IPCEF1: variants seen among roughly 807,000 people sequenced by gnomAD.
IPCEF1 encodes the protein interaction protein for cytohesin exchange factors 1, also known as interactor protein for cytohesin exchange factors 1.
Under a neutral mutation model 50.9 loss-of-function variants are expected in IPCEF1, and 31 were observed. The ratio of observed to expected loss-of-function variants is 0.61; its 90% confidence interval spans 0.46 to 0.82. The LOEUF is 0.82. IPCEF1 is among the 40% of genes least tolerant of loss of function. The probability of loss-of-function intolerance (pLI) is 0.00; values close to 1 mark genes in which losing one functional copy is unlikely to be tolerated. For missense variants in IPCEF1, 458 were observed against 514.0 expected (o/e 0.89, Z 1.05); for synonymous variants, 181 against 192.0 (o/e 0.94, Z 0.47).
At chr6:154,248,167 C>T (rs1174976139) in intron 3 of IPCEF1, among the ~76,000 whole-genome samples, 2 of 152,100 alleles carry the variant, frequency 1.3e-5, no homozygotes, top group Non-Finnish European at 1.5e-5. Flanking sequence ...TAGTTACCAC[C>T]TACTATTCTG....
intron 1 of IPCEF1, among the ~76,000 whole-genome samples, chr6:154,327,410 T>C (rs186771728): frequency 1.3e-3 from 190 of 151,964 alleles, no homozygotes; most frequent in African/African-American, 4.3e-3. Context: ...ACAAAGAACA[T>C]GAATAAACAC....
At chr6:154,332,246 C>T (rs942305843) in intron 1 of IPCEF1, among the ~76,000 whole-genome samples, 8 of 150,874 alleles carry the variant, frequency 5.3e-5, no homozygotes, top group African/African-American at 1.9e-4. Context: ...TCTCCTTGCA[C>T]AGCATCTGAC....
chr6:154,212,910 A>T (rs768360689), intron 8 of IPCEF1, 55 bp from the exon 9 acceptor site: 1 of 1,206,434 alleles, frequency 8.3e-7, no homozygotes. Flanking sequence ...CTTATTCCAT[A>T]ATGCATGAGC....
chr6:154,175,513 A>C (rs1209063034), intron 10 of IPCEF1, among the ~76,000 whole-genome samples: 1 of 152,146 alleles, frequency 6.6e-6, no homozygotes, highest in East Asian at 1.9e-4. Flanking sequence ...CCACAGAAAT[A>C]CAAACTACCA....
At chr6:154,319,848 G>A (rs1346190559) in intron 1 of IPCEF1, among the ~76,000 whole-genome samples, 1 of 152,186 alleles carries the variant, frequency 6.6e-6, no homozygotes, top group Non-Finnish European at 1.5e-5. Flanking sequence ...TTTTCTTTTG[G>A]AAAGAGAGAA....
At chr6:154,327,306 A>C (rs1337951317) in intron 1 of IPCEF1, among the ~76,000 whole-genome samples, 2 of 152,226 alleles carry the variant, frequency 1.3e-5, no homozygotes, top group African/African-American at 2.4e-5. Flanking sequence ...AAATTTCTGC[A>C]ATCTATCCAT....
chr6:154,274,490 A>AAAGATT (rs1236671757), intron 2 of IPCEF1, among the ~76,000 whole-genome samples: 19 of 152,168 alleles, frequency 1.2e-4, no homozygotes, highest in African/African-American at 4.3e-4. Context: ...CCAGTGGACC[A>AAAGATT]TTTTACCATA....
At chr6:154,305,756 G>A (rs1782916069) in intron 1 of IPCEF1, among the ~76,000 whole-genome samples, 1 of 152,176 alleles carries the variant, frequency 6.6e-6, no homozygotes, top group Admixed American at 6.5e-5. Flanking sequence ...AAAGCAGGCA[G>A]AAGAAGGTGG....
At chr6:154,164,996 TACGGA>T (rs1799313691) in intron 11 of IPCEF1, among the ~76,000 whole-genome samples, 1 of 152,196 alleles carries the variant, frequency 6.6e-6, no homozygotes, top group Admixed American at 6.5e-5. Flanking sequence ...TTTTCTTATT[TACGGA>T]ATGCACCTGC....
At chr6:154,207,002 A>C (rs1777552241) in intron 9 of IPCEF1, among the ~76,000 whole-genome samples, 1 of 152,232 alleles carries the variant, frequency 6.6e-6, no homozygotes. Context: ...TGTGCAGGTG[A>C]ATCAATGTGA....
chr6:154,320,879 TAGAG>T (rs934247233), intron 1 of IPCEF1, among the ~76,000 whole-genome samples: 21 of 152,218 alleles, frequency 1.4e-4, no homozygotes, highest in South Asian at 8.3e-4. Flanking sequence ...TAGACATATA[TAGAG>T]AGACACTCAC....
chr6:154,238,428 T>TAC (rs1491533362), intron 5 of IPCEF1, among the ~76,000 whole-genome samples: 1 of 146,416 alleles, frequency 6.8e-6, no homozygotes, highest in Non-Finnish European at 1.5e-5. Flanking sequence ...GCTAATTTTG[T>TAC]ATATATATAT....
chr6:154,312,592 C>T (rs529459969), intron 1 of IPCEF1, among the ~76,000 whole-genome samples: 71 of 152,104 alleles, frequency 4.7e-4, no homozygotes, highest in African/African-American at 7.2e-4. Context: ...ATGATCCGCC[C>T]GCCTCAGCCT....
intron 3 of IPCEF1, among the ~76,000 whole-genome samples, chr6:154,258,533 C>T (rs1781516261): frequency 6.6e-6 from 1 of 152,204 alleles, no homozygotes; most frequent in African/African-American, 2.4e-5. Context: ...GCCTACCCAA[C>T]GGTCCAACCC....
intron 10 of IPCEF1, among the ~76,000 whole-genome samples, chr6:154,195,418 A>G (rs1776532730): frequency 6.6e-6 from 1 of 152,118 alleles, no homozygotes; most frequent in African/African-American, 2.4e-5. Context: ...AAGTGCTGGG[A>G]TTACAGGTGT....
At chr6:154,355,224 C>A (rs1562300693) in intron 1 of IPCEF1, among the ~76,000 whole-genome samples, 1 of 152,152 alleles carries the variant, frequency 6.6e-6, no homozygotes, top group Non-Finnish European at 1.5e-5. Context: ...ATTGCCACAG[C>A]AAACTACCGC....
At chr6:154,252,493 G>A (rs1027119968) in intron 3 of IPCEF1, among the ~76,000 whole-genome samples, 2 of 152,040 alleles carry the variant, frequency 1.3e-5, no homozygotes, top group African/African-American at 4.8e-5. Flanking sequence ...TGGCCATCAC[G>A]GTGAAACTCC....
intron 3 of IPCEF1, among the ~76,000 whole-genome samples, chr6:154,263,289 G>A (rs931893695): frequency 9.7e-5 from 14 of 144,354 alleles, no homozygotes; most frequent in South Asian, 2.2e-4. Context: ...GGTGTTTCTC[G>A]CAGAGGGGGA....
intron 2 of IPCEF1, among the ~76,000 whole-genome samples, chr6:154,286,078 A>G (rs1004738724): frequency 1.3e-5 from 2 of 152,180 alleles, no homozygotes; most frequent in Admixed American, 6.6e-5. Flanking sequence ...GCTCAAAATA[A>G]TTATGGGGCC....
Sources: allele counts gnomAD v4.1 joint callset (sites outside exome capture counted in the v4.1 genomes callset), GRCh38; gene constraint gnomAD v4.1.1; transcripts MANE v1.5; gene names NCBI Gene and HGNC (gene_info 2026-07-23, HGNC 2026-07-21).